Variants in SLC16A13 observed in about 807,000 individuals in gnomAD.
SLC16A13 encodes the protein solute carrier family 16 member 13, also known as monocarboxylate transporter 13.
In SLC16A13, 28 loss-of-function variants were observed where a neutral mutation model predicts 28.1. The ratio of observed to expected loss-of-function variants is 1.00; its 90% CI spans 0.74 to 1.37. SLC16A13 has a LOEUF of 1.37. Among genes scored for constraint, SLC16A13 ranks in the 40% most tolerant of loss-of-function variants. The probability of loss-of-function intolerance (pLI) is 0.00; values close to 1 mark genes in which losing one functional copy is unlikely to be tolerated. For synonymous variants in SLC16A13, 228 were observed against 241.6 expected (o/e 0.94, Z 0.52); for missense variants, 482 against 531.8 (o/e 0.91, Z 0.92).
At position 7,039,469 on chromosome 17, in the gene SLC16A13, A is replaced by AAG. The variant is rs1555571886; in HGVS notation, c.1082-293_1082-292insGA. On this transcript the variant is annotated intron_variant, in intron 3 of 3. Coordinates refer to ENST00000308027, the MANE Select transcript of SLC16A13 (RefSeq NM_201566.3). This position sits in a 1 kb window ranked among gnomAD's most constrained non-coding sequence, Gnocchi z 4.3. Reference sequence around the variant, plus strand: ...AGCGAGACTCCGTCTCAAAAAAAAAAAAAAAAGAAAGGCCACAGTTGCCAG... The same window carrying AAG: ...AGCGAGACTCCGTCTCAAAAAAAAAAAGAAAAAAGAAAGGCCACAGTTGCCAG... 6.6e-6 allele frequency among the ~76,000 whole-genome samples: 1 copy of AAG among 152,138 alleles called. No homozygotes were observed. Among genetic ancestry groups the AAG allele is most frequent in the African/African-American group, 2.4e-5 (1 of 41,420 alleles).
At position 7,038,110 on chromosome 17, in the gene SLC16A13, G is replaced by A. The variant is rs1910629065; in HGVS notation, c.344-42G>A. 6.4e-7 allele frequency: 1 copy of A among 1,571,430 alleles called. No individual in the cohort carries two copies. Among genetic ancestry groups the A allele is most frequent in the South Asian group, 1.2e-5 (1 of 85,144 alleles). On this transcript the variant is annotated intron_variant, in intron 2 of 3. Transcript: ENST00000308027. This position sits in a 1 kb window ranked among gnomAD's most constrained non-coding sequence, Gnocchi z 5.7. ...ATGCGGGGATTACTGTGTGCCTTGA[G>A]CTCCCTAAGAGTTCTCAACACCACT...
At position 7,039,939 on chromosome 17, in the gene SLC16A13, A is replaced by C. The variant is rs148247138; in HGVS notation, c.1258A>C (p.Lys420Gln). 1 of 1,613,848 alleles carries C rather than the reference A, an allele frequency of 6.2e-7. No individual in the cohort carries two copies. Among genetic ancestry groups the C allele is most frequent in the Non-Finnish European group, 8.5e-7 (1 of 1,179,990 alleles). ...EALDTKVPLPKEGLEED is the reference protein window; with the variant it reads ...EALDTKVPLPQEGLEED ...ACTAGATACTAAAGTTCCCCTACCC[A>C]AGGAGGGGCTGGAAGAGGACTGAAC... Residue 420 changes from lysine (K) to glutamine (Q), a missense_variant, in exon 4 of 4, where the codon AAG (lysine) becomes CAG (glutamine). Physicochemically the swap from Lys to Gln is moderately conservative, Grantham distance 53 (BLOSUM62 1). Transcript: ENST00000308027. This position sits in a 1 kb window ranked among gnomAD's most constrained non-coding sequence, Gnocchi z 4.3.
rs1910642630 is a variant in SLC16A13 at position 7,038,564 on chromosome 17, C to T, written c.756C>T (p.Ala252=). ...QDLDWDPLPA[A]FLLSVVAISD... ...TGGATTGGGACCCACTACCTGCTGC[C>T]TTCCTACTCTCAGTTGTTGCTATTT... is the stretch of plus-strand genomic sequence containing the variant. Residue 252 remains alanine, a synonymous_variant, in exon 3 of 4, where the codon GCC becomes GCT. Transcript: ENST00000308027. This position sits in a 1 kb window ranked among gnomAD's most constrained non-coding sequence, Gnocchi z 5.7. The T allele has an allele frequency of 6.2e-7, 1 of 1,614,244 alleles. No individual in the cohort carries two copies. Among genetic ancestry groups the T allele is most frequent in the East Asian group, 2.2e-5 (1 of 44,890 alleles).
In SLC16A13 at chr17:7,039,741, T is replaced by A; in HGVS notation, c.1082-22T>A. 1 of 1,613,862 alleles carries A rather than the reference T, an allele frequency of 6.2e-7. No individual in the cohort carries two copies. On this transcript the variant is annotated intron_variant, in intron 3 of 3. Coordinates refer to ENST00000308027, the MANE Select transcript of SLC16A13 (RefSeq NM_201566.3). This position sits in a 1 kb window ranked among gnomAD's most constrained non-coding sequence, Gnocchi z 4.3. ...CAGCAAATAGATCACTCATGTGTAT[T>A]CTTTTTCTCTCTTGGACCTAGGCTA...
rs369840777 is a variant in SLC16A13 at position 7,039,794 on chromosome 17, G to A, written c.1113G>A (p.Thr371=). ...GYLRDVTGNY[T]ASFVVAGAFL... is the part of the protein sequence containing the mutation. The stretch of plus-strand genomic sequence containing the variant: ...TCCGGGATGTGACAGGCAACTACAC[G>A]GCTTCTTTTGTGGTGGCTGGGGCCT... The change falls in exon 4 of 4, where the codon ACG becomes ACA. Residue 371 remains threonine (T), a synonymous_variant. Coordinates refer to ENST00000308027, the MANE Select transcript of SLC16A13 (RefSeq NM_201566.3). The surrounding 1 kb of genome is among the most constrained non-coding windows in gnomAD (Gnocchi z 4.3). 36 of 1,614,010 alleles carry A rather than the reference G, an allele frequency of 2.2e-5. No individual in the cohort carries two copies. The highest frequency in any genetic ancestry group is 1.5e-4 in the South Asian group (14 of 91,082).
chr17:7,038,384 C>A lies in SLC16A13; in HGVS notation c.576C>A (p.Pro192=). The A allele has an allele frequency of 6.2e-7, 1 of 1,614,136 alleles. No individual in the cohort carries two copies. Among genetic ancestry groups the A allele is most frequent in the Non-Finnish European group, 8.5e-7 (1 of 1,180,014 alleles). ...CCTGTGGTGCTCTCCTCCGCCCACCCTCCCTGGCTGAGGACCCTGCTGTGG... is the reference window on the plus strand; with the variant it reads ...CCTGTGGTGCTCTCCTCCGCCCACCATCCCTGGCTGAGGACCCTGCTGTGG... ...LVACGALLRP[P]SLAEDPAVGG... Residue 192 remains proline (P), a synonymous_variant, in exon 3 of 4, where the codon CCC becomes CCA. Coordinates refer to ENST00000308027, the MANE Select transcript of SLC16A13 (RefSeq NM_201566.3). The surrounding 1 kb of genome is among the most constrained non-coding windows in gnomAD (Gnocchi z 5.7).
chr17:7,038,042 T>A lies in SLC16A13; in HGVS notation c.344-110T>A. 7.8e-7 allele frequency: 1 copy of A among 1,283,782 alleles called. No individual in the cohort carries two copies. The highest frequency in any genetic ancestry group is 1.1e-6 in the Non-Finnish European group (1 of 928,912). 79.5% of individuals were successfully genotyped at this position (1,283,782 alleles called of 1,614,324 possible). A position where few individuals can be genotyped will look rare whatever the true frequency, so the allele number is the denominator to read the frequency against. ...ATCCAAGCCAAGATTGTATCCCAGG[T>A]CTGTGGGACTCCGAAGCAAGTGCTA... On this transcript the variant is annotated intron_variant, in intron 2 of 3. Transcript: ENST00000308027. This position sits in a 1 kb window ranked among gnomAD's most constrained non-coding sequence, Gnocchi z 5.7.
rs1910595050 is a variant in SLC16A13 at position 7,036,842 on chromosome 17, C to T, written c.315C>T (p.His105=). 6.2e-7 allele frequency: 1 copy of T among 1,613,444 alleles called. No homozygotes were observed. Among genetic ancestry groups the T allele is most frequent in the Non-Finnish European group, 8.5e-7 (1 of 1,180,044 alleles). ...LLASFATSLT[H]LYLSIGLLSG... is the part of the protein sequence containing the mutation. ...CCTCTTTTGCTACTTCCTTGACCCA[C>T]CTATACCTGAGTATTGGGTTGCTGT... Residue 105 remains histidine (H), a synonymous_variant, in exon 2 of 4, where the codon CAC becomes CAT. Transcript: ENST00000308027.
intron 2 of SLC16A13, 173 bp downstream of exon 2, chr17:7,037,043 T>C: frequency 1.2e-6 from 1 of 850,936 alleles, no homozygotes; most frequent in Non-Finnish European, 1.8e-6. Context: ...TGGTGAGGAA[T>C]TAGGAAATTC....
At position 7,036,644 on chromosome 17, in the gene SLC16A13, T is replaced by G. The variant is rs944572466; in HGVS notation, c.199+63T>G. 4 of 1,608,684 alleles carry G rather than the reference T, an allele frequency of 2.5e-6. No homozygotes were observed. The African/African-American group carries it at 5.3e-5, about 22-fold the overall frequency. On this transcript the variant is annotated intron_variant, in intron 1 of 3. Coordinates refer to ENST00000308027, the MANE Select transcript of SLC16A13 (RefSeq NM_201566.3). Reference sequence around the variant, plus strand: ...CGGAAGGGAGAGGGAATGCGGCGACTGGGAAGTGGAAGGGCGAGGGGCGGG... The same window carrying G: ...CGGAAGGGAGAGGGAATGCGGCGACGGGGAAGTGGAAGGGCGAGGGGCGGG...
At position 7,037,341 on chromosome 17, in the gene SLC16A13, CAAAA is replaced by C. The variant is rs57010713; in HGVS notation, c.343+486_343+489del. Among the ~76,000 whole-genome samples the C allele has an allele frequency of 5.7e-4, 24 of 41,998 alleles. 2 individuals carry two copies. The highest frequency in any genetic ancestry group is 3.0e-3 in the East Asian group (5 of 1,654). The allele number at this position is 41,998 out of a possible 152,430, so 27.6% of individuals were successfully genotyped here. A position where few individuals can be genotyped will look rare whatever the true frequency, so the allele number is the denominator to read the frequency against. ...TGGGCGACAGAGCAAGATTCTGTCT[CAAAA>C]AAAAAAAAAAAAAAGATGAAACCAA... On this transcript the variant is annotated intron_variant, in intron 2 of 3. Coordinates refer to ENST00000308027, the MANE Select transcript of SLC16A13 (RefSeq NM_201566.3).
intron 1 of SLC16A13, 69 bp downstream of exon 1, chr17:7,036,650 G>GT: frequency 6.2e-7 from 1 of 1,608,806 alleles, no homozygotes; most frequent in Non-Finnish European, 8.5e-7. Context: ...CGACTGGGAA[G>GT]TGGAAGGGCG....
At position 7,038,605 on chromosome 17, in the gene SLC16A13, G is replaced by A. The variant is rs142971810; in HGVS notation, c.797G>A (p.Arg266His). 152 of 1,614,148 alleles carry A rather than the reference G, an allele frequency of 9.4e-5. No homozygotes were observed. Among genetic ancestry groups the A allele is most frequent in the Middle Eastern group, 1.6e-4 (1 of 6,062 alleles). Residue 266 changes from arginine (R) to histidine (H), a missense_variant, in exon 3 of 4, where the codon CGT (arginine) becomes CAT (histidine). Physicochemically the swap from Arg to His is conservative, Grantham distance 29. Coordinates refer to ENST00000308027, the MANE Select transcript of SLC16A13 (RefSeq NM_201566.3). The surrounding 1 kb of genome is among the most constrained non-coding windows in gnomAD (Gnocchi z 5.7). ...SVVAISDLVG[R>H]VVSGWLGDAV... ...GTTGCTATTTCTGACCTCGTGGGGC[G>A]TGTGGTCTCCGGATGGCTGGGAGAT... is the stretch of plus-strand genomic sequence containing the variant.
rs1315242590 is a variant in SLC16A13 at position 7,039,117 on chromosome 17, G to T, written c.1081+228G>T. On this transcript the variant is annotated intron_variant, in intron 3 of 3. Coordinates refer to ENST00000308027, the MANE Select transcript of SLC16A13 (RefSeq NM_201566.3). The surrounding 1 kb of genome is among the most constrained non-coding windows in gnomAD (Gnocchi z 4.3). ...GAAGCTAAGTGGAACCCTTGGCAGG[G>T]TGCCTACGGCTTGGGTTTGCAGAGG... Among the ~76,000 whole-genome samples the T allele has an allele frequency of 6.6e-6, 1 of 152,140 alleles. No homozygotes were observed. Among genetic ancestry groups the T allele is most frequent in the South Asian group, 2.1e-4 (1 of 4,824 alleles).
chr17:7,036,778 T>G lies in SLC16A13; in HGVS notation c.251T>G (p.Met84Arg). The part of the protein sequence containing the change: ...STKFGPRPVV[M>R]TGGILAALGM... ...AAGTTCGGGCCCAGGCCCGTGGTGATGACTGGAGGCATCTTGGCTGCGCTG... is the reference window on the plus strand; with the variant it reads ...AAGTTCGGGCCCAGGCCCGTGGTGAGGACTGGAGGCATCTTGGCTGCGCTG... Residue 84 changes from methionine (M) to arginine (R), a missense_variant, in exon 2 of 4, where the codon ATG becomes AGG. Coordinates refer to ENST00000308027, the MANE Select transcript of SLC16A13 (RefSeq NM_201566.3). The G allele has an allele frequency of 6.2e-7, 1 of 1,613,890 alleles. No individual in the cohort carries two copies.
intron 2 of SLC16A13, among the ~76,000 whole-genome samples, chr17:7,037,596 G>A (rs927956274): frequency 1.3e-5 from 2 of 151,926 alleles, no homozygotes; most frequent in Non-Finnish European, 2.9e-5. Flanking sequence ...CGTGGTGGCA[G>A]GTGACTGTAG....
At chr17:7,037,047 G>A in intron 2 of SLC16A13, 177 bp downstream of exon 2, 1 of 815,658 alleles carries the variant, frequency 1.2e-6, no homozygotes, top group Non-Finnish European at 1.9e-6. Flanking sequence ...GAGGAATTAG[G>A]AAATTCAAGG....
chr17:7,036,706 G>T, intron 1 of SLC16A13, 21 bp from the exon 2 acceptor site: 1 of 1,610,308 alleles, frequency 6.2e-7, no homozygotes. Context: ...TCTTCTCGCA[G>T]CGCCCCTTCC....
chr17:7,039,664 C>A lies in SLC16A13; in HGVS notation c.1082-99C>A. ...CTATTCCATGGGAGTTCCAACTCCT[C>A]TGAGATGATAAGTCTTCCCTCCACC... is the stretch of plus-strand genomic sequence containing the variant. On this transcript the variant is annotated intron_variant, in intron 3 of 3. Coordinates refer to ENST00000308027, the MANE Select transcript of SLC16A13 (RefSeq NM_201566.3). This position sits in a 1 kb window ranked among gnomAD's most constrained non-coding sequence, Gnocchi z 4.3. 7.8e-7 allele frequency: 1 copy of A among 1,276,182 alleles called. No homozygotes were observed. Among genetic ancestry groups the A allele is most frequent in the Non-Finnish European group, 1.1e-6 (1 of 895,518 alleles). 79.1% of individuals were successfully genotyped at this position (1,276,182 alleles called of 1,614,324 possible). A position where few individuals can be genotyped will look rare whatever the true frequency, so the allele number is the denominator to read the frequency against.
Sources: allele counts gnomAD v4.1 joint callset (sites outside exome capture counted in the v4.1 genomes callset), GRCh38; gene constraint gnomAD v4.1.1; non-coding constraint Gnocchi (gnomAD v3.1); transcripts MANE v1.5; gene names NCBI Gene and HGNC (gene_info 2026-07-23, HGNC 2026-07-21).